Variants in RBBP7 observed in about 807,000 individuals in gnomAD.
RBBP7 encodes RB binding protein 7, chromatin remodeling factor, also known as histone-binding protein RBBP7.
A neutral mutation model predicts 35.2 loss-of-function variants in RBBP7; 5 were observed. The ratio of observed to expected loss-of-function variants is 0.14; its 90% CI spans 0.07 to 0.30. The LOEUF (loss-of-function observed/expected upper bound fraction) is 0.30. RBBP7 is among the 10% of genes least tolerant of loss of function. The pLI, the probability that RBBP7 is intolerant of heterozygous loss-of-function variation, is 1.00. For synonymous variants in RBBP7, 140 were observed against 118.7 expected (o/e 1.18, Z -1.17); for missense variants, 155 against 327.5 (o/e 0.47, Z 4.07).
chrX:16,854,652 G>A (rs1184590807), intron 5 of RBBP7, among the ~76,000 whole-genome samples: 2 of 110,310 alleles, frequency 1.8e-5, no homozygotes, highest in African/African-American at 6.6e-5. Context: ...ACAGGTAAAC[G>A]ACACTGGGCC....
intron 9 of RBBP7, among the ~76,000 whole-genome samples, chrX:16,850,735 T>C (rs763848051): frequency 1.4e-4 from 16 of 112,091 alleles, no homozygotes; most frequent in African/African-American, 4.9e-4. Context: ...GGTTTTAATA[T>C]ATAGGTTGAG....
chrX:16,857,749 T>G, intron 4 of RBBP7, 40 bp from the exon 5 acceptor site: 1 of 1,184,577 alleles, frequency 8.4e-7, no homozygotes. Context: ...TCTCTGTTTA[T>G]CAGAACTGGT....
At chrX:16,866,549 A>C (rs1274823925) in intron 2 of RBBP7, among the ~76,000 whole-genome samples, 3 of 100,429 alleles carry the variant, frequency 3.0e-5, no homozygotes, top group Non-Finnish European at 6.0e-5. Flanking sequence ...AAAAAAAAAA[A>C]AAAAAAAAGA....
In RBBP7 at chrX:16,869,720, C is replaced by T. The variant is rs1281186644; in HGVS notation, c.16+318G>A. On this transcript the variant is annotated intron_variant, in intron 1 of 11. Transcript: ENST00000380087. ...AACGCGCGCGCGCGCGTAGAAAGAG[C>T]CGCGGCGCTCGCTTCCCAGCGGCGG... 5.3e-5 allele frequency: 52 copies of T among 980,809 alleles called. 1 individual carries two copies. The Middle Eastern group carries it at 1.2e-3, about 24-fold the overall frequency. 80.8% of individuals were successfully genotyped at this position (980,809 alleles called of 1,213,427 possible).
intron 10 of RBBP7, chrX:16,848,244 A>G (rs2147512799): frequency 9.0e-6 from 1 of 111,462 alleles, no homozygotes; most frequent in East Asian, 2.8e-4. Flanking sequence ...GTCTATGAAT[A>G]TACTAAAAAC....
rs1930404566 is a variant in RBBP7, at chrX:16,858,759, G to A, written c.398C>T (p.Pro133Leu). The A allele has an allele frequency of 8.3e-7, 1 of 1,211,102 alleles. No individual in the cohort carries two copies. The highest frequency in any genetic ancestry group is 1.1e-6 in the Non-Finnish European group (1 of 895,394). ...TGTAGCAATGATGTGAGGATTCTGC[G>A]GCATGTAACGAGCACGGTTTACTTC... ...EGEVNRARYM[P>L]QNPHIIATKT... Residue 133 changes from proline to leucine, a missense_variant, in exon 4 of 12, where the codon CCG (proline) becomes CTG (leucine). Transcript: ENST00000380087.
At chrX:16,868,300 G>T (rs1270397933) in intron 2 of RBBP7, among the ~76,000 whole-genome samples, 2 of 112,227 alleles carry the variant, frequency 1.8e-5, no homozygotes, top group Non-Finnish European at 3.8e-5. Flanking sequence ...TAGAAAAGGT[G>T]CAAGTGAATG....
At chrX:16,854,126 C>T (rs1440528664) in intron 5 of RBBP7, among the ~76,000 whole-genome samples, 7 of 111,688 alleles carry the variant, frequency 6.3e-5, no homozygotes, top group Middle Eastern at 4.6e-3. Context: ...TCAAGTGATC[C>T]GCCTGCCTTG....
chrX:16,858,758 C>T lies in RBBP7; in HGVS notation c.399G>A (p.Pro133=), dbSNP rs751812996. ...EGEVNRARYM[P]QNPHIIATKT... ...TTGTAGCAATGATGTGAGGATTCTG[C>T]GGCATGTAACGAGCACGGTTTACTT... Residue 133 remains proline, a synonymous_variant, in exon 4 of 12, where the codon CCG becomes CCA. Coordinates refer to ENST00000380087, the MANE Select transcript of RBBP7 (RefSeq NM_002893.4). 38 of 1,211,215 alleles carry T rather than the reference C, an allele frequency of 3.1e-5. No homozygotes were observed. The highest frequency in any genetic ancestry group is 1.1e-4 in the Admixed American group (5 of 45,945).
At chrX:16,856,946 C>T (rs1474064141) in intron 5 of RBBP7, among the ~76,000 whole-genome samples, 1 of 111,385 alleles carries the variant, frequency 9.0e-6, no homozygotes, top group Non-Finnish European at 1.9e-5. Flanking sequence ...TGTGGTATAT[C>T]CATACAGTGG....
chrX:16,851,777 G>C (rs1317986588), intron 9 of RBBP7, among the ~76,000 whole-genome samples: 1 of 112,622 alleles, frequency 8.9e-6, no homozygotes, highest in Non-Finnish European at 1.9e-5. Flanking sequence ...ACAGTCATTT[G>C]AATGCAAAAA....
intron 3 of RBBP7, 135 bp downstream of exon 3, chrX:16,862,820 G>T: frequency 1.5e-6 from 1 of 675,157 alleles, no homozygotes; most frequent in Non-Finnish European, 2.2e-6. Flanking sequence ...GCACATGTGG[G>T]TGGGAAGTTC....
chrX:16,857,822 T>C lies in RBBP7; in HGVS notation c.482-113A>G, dbSNP rs1930384230. 6 of 1,024,749 alleles carry C rather than the reference T, an allele frequency of 5.9e-6. No individual in the cohort carries two copies. The Admixed American group carries it at 2.0e-4, about 33-fold the overall frequency. The allele number at this position is 1,024,749 out of a possible 1,213,427, so 84.5% of individuals were successfully genotyped here. A position where few individuals can be genotyped will look rare whatever the true frequency, so the allele number is the denominator to read the frequency against. On this transcript the variant is annotated intron_variant, in intron 4 of 11. Transcript: ENST00000380087. ...ACAGCAACTGCACACGAACGAGATC[T>C]GGTCTTTAATACCCAATGCAAATTG...
intron 1 of RBBP7, chrX:16,869,531 G>A (rs1409943520): frequency 3.4e-6 from 4 of 1,166,865 alleles, no homozygotes; most frequent in Non-Finnish European, 4.6e-6. Context: ...CAGGGGCTGC[G>A]CGACCCAGTC....
chrX:16,851,060 G>C (rs958077541), intron 9 of RBBP7, among the ~76,000 whole-genome samples: 3 of 108,325 alleles, frequency 2.8e-5, no homozygotes, highest in African/African-American at 1.0e-4. Context: ...GGAGGCAGAG[G>C]TTACAGTGAG....
chrX:16,868,099 T>A (rs1930671591), intron 2 of RBBP7, among the ~76,000 whole-genome samples: 1 of 111,951 alleles, frequency 8.9e-6, no homozygotes. Context: ...ATGCTTGTTT[T>A]TTGTTTCTTT....
At chrX:16,869,482 A>G (rs1378848535) in intron 1 of RBBP7, 1 of 1,166,050 alleles carries the variant, frequency 8.6e-7, no homozygotes, top group Non-Finnish European at 1.1e-6. Flanking sequence ...ACCCTGTTAC[A>G]GCTGTTCGCA....
At chrX:16,860,324 C>CA (rs1356381181) in intron 3 of RBBP7, among the ~76,000 whole-genome samples, 1 of 107,569 alleles carries the variant, frequency 9.3e-6, no homozygotes, top group Admixed American at 9.9e-5. Context: ...ACTTTGAACA[C>CA]AGAGTTTTGT....
intron 8 of RBBP7, 148 bp from the exon 9 acceptor site, chrX:16,852,270 G>A (rs1251743940): frequency 1.0e-5 from 6 of 578,893 alleles, no homozygotes; most frequent in Non-Finnish European, 8.5e-6. Context: ...CGACTTTCAA[G>A]TGCTCTGCAA....
Sources: gnomAD v4.1 joint callset for allele counts (sites outside exome capture counted in the v4.1 genomes callset) on GRCh38, gnomAD v4.1.1 for gene constraint, MANE v1.5 for transcripts, NCBI Gene and HGNC (gene_info 2026-07-23, HGNC 2026-07-21) for gene names.